IMPA1: variants seen among roughly 807,000 people sequenced by gnomAD.
IMPA1 encodes D-galactose 1-phosphate phosphatase.
A neutral mutation model predicts 34.9 loss-of-function variants in IMPA1; 21 were observed. The observed-to-expected ratio is 0.60, with a 90% CI of 0.43 to 0.87. The LOEUF is 0.87. IMPA1 is among the 40% of genes least tolerant of loss of function. IMPA1 has a pLI of 0.00. For missense variants in IMPA1, 299 were observed against 336.4 expected (o/e 0.89, Z 0.87); for synonymous variants, 95 against 104.4 (o/e 0.91, Z 0.55).
chr8:81,669,884 A>G (rs1806939238), intron 7 of IMPA1, among the ~76,000 whole-genome samples: 1 of 152,242 alleles, frequency 6.6e-6, no homozygotes, highest in African/African-American at 2.4e-5. Flanking sequence ...TAATCCACTC[A>G]TGGGTTAATA....
chr8:81,673,583 T>C (rs1254108453), intron 6 of IMPA1, among the ~76,000 whole-genome samples: 1 of 152,188 alleles, frequency 6.6e-6, no homozygotes, highest in Non-Finnish European at 1.5e-5. Context: ...ATATTTTGGG[T>C]TCACAATAGG....
At chr8:81,659,548 G>A in intron 8 of IMPA1, 82 bp from the exon 9 acceptor site, 1 of 740,646 alleles carries the variant, frequency 1.4e-6, no homozygotes, top group East Asian at 2.6e-5. Context: ...TATGTACTAT[G>A]GTCACATAAC....
At chr8:81,678,587 C>G (rs2932222) in intron 4 of IMPA1, 110,970 of 166,934 alleles carry the variant, frequency 0.66, 39,084 homozygotes, top group East Asian at 0.94. Flanking sequence ...ACCTACTTGG[C>G]AGGCTGAGGC....
Position 81,672,647 on chromosome 8 carries a change from G to T in IMPA1, c.457+1194C>A, listed in dbSNP as rs928122658. Among the ~76,000 whole-genome samples the T allele has an allele frequency of 3.9e-5, 6 of 152,322 alleles. No individual in the cohort carries two copies. In the South Asian group the frequency reaches 1.2e-3, roughly 32 times the overall value. ...GAGCACTCTCCAAGGTAATCTAGAAGTGTGTCCTGGGCTGCAGTCCTCAAC... is the reference window on the plus strand; with the variant it reads ...GAGCACTCTCCAAGGTAATCTAGAATTGTGTCCTGGGCTGCAGTCCTCAAC... On this transcript the variant is annotated intron_variant, in intron 6 of 8. Transcript: ENST00000256108.
chr8:81,686,276 G>A lies in IMPA1; in HGVS notation c.-49C>T. ...CCTTGAGTCGGAGGACGTCCGGCTA[G>A]CTCTGTGAACGGTGTTACCGCACTC... On this transcript the variant is annotated 5_prime_UTR_variant, in exon 1 of 9. Coordinates refer to ENST00000256108, the MANE Select transcript of IMPA1 (RefSeq NM_005536.4). 3 of 998,468 alleles carry A rather than the reference G, an allele frequency of 3.0e-6. No individual in the cohort carries two copies. The highest frequency in any genetic ancestry group is 2.4e-6 in the Non-Finnish European group (2 of 837,666). 61.9% of individuals were successfully genotyped at this position (998,468 alleles called of 1,614,324 possible).
intron 5 of IMPA1, chr8:81,674,187 T>G (rs1179352246): frequency 1.0e-5 from 4 of 391,990 alleles, no homozygotes; most frequent in East Asian, 8.3e-5. Flanking sequence ...CTTACTTCTC[T>G]TCCTCCTGCT....
intron 5 of IMPA1, 108 bp downstream of exon 5, chr8:81,676,126 T>C: frequency 2.2e-6 from 1 of 451,316 alleles, no homozygotes; most frequent in Non-Finnish European, 4.0e-6. Flanking sequence ...AATGCAGTTA[T>C]ATAATCAAAT....
intron 6 of IMPA1, among the ~76,000 whole-genome samples, chr8:81,672,117 T>C (rs1563585377): frequency 6.6e-6 from 1 of 152,158 alleles, no homozygotes; most frequent in African/African-American, 2.4e-5. Flanking sequence ...TGCTCTTAAA[T>C]TAAGTGTTTG....
At chr8:81,667,624 G>C (rs1343206285) in intron 7 of IMPA1, among the ~76,000 whole-genome samples, 1 of 152,110 alleles carries the variant, frequency 6.6e-6, no homozygotes, top group Admixed American at 6.5e-5. Flanking sequence ...TGAGGGCTTA[G>C]AAGACAAGGC....
intron 7 of IMPA1, among the ~76,000 whole-genome samples, chr8:81,669,087 G>A (rs2130272890): frequency 6.6e-6 from 1 of 152,316 alleles, no homozygotes; most frequent in African/African-American, 2.4e-5. Flanking sequence ...ATTGTCCTCA[G>A]AAGCCTGGGA....
intron 1 of IMPA1, among the ~76,000 whole-genome samples, chr8:81,681,989 G>C (rs1286309764): frequency 6.6e-6 from 1 of 152,064 alleles, no homozygotes; most frequent in East Asian, 1.9e-4. Flanking sequence ...AGCAGCAAAA[G>C]GTACTTGAAA....
At chr8:81,662,174 T>C (rs1806699338) in intron 7 of IMPA1, among the ~76,000 whole-genome samples, 1 of 152,196 alleles carries the variant, frequency 6.6e-6, no homozygotes, top group African/African-American at 2.4e-5. Context: ...GATGTTTGTT[T>C]CCCAGATAAA....
chr8:81,686,211 G>A, intron 1 of IMPA1, 41 bp downstream of exon 1: 1 of 1,024,962 alleles, frequency 9.8e-7, no homozygotes, highest in Non-Finnish European at 1.2e-6. Flanking sequence ...CACAGCGCCC[G>A]CTGAACCCGG....
intron 4 of IMPA1, among the ~76,000 whole-genome samples, chr8:81,676,565 A>C (rs2130302130): frequency 6.6e-6 from 1 of 152,370 alleles, no homozygotes; most frequent in African/African-American, 2.4e-5. Flanking sequence ...ATTCACGAGA[A>C]ACTTGTAACA....
chr8:81,672,330 C>T (rs1296655326), intron 6 of IMPA1, among the ~76,000 whole-genome samples: 1 of 152,162 alleles, frequency 6.6e-6, no homozygotes, highest in African/African-American at 2.4e-5. Flanking sequence ...ATGCCAGTAC[C>T]TTTAAATTAT....
In IMPA1 at chr8:81,671,955, T is replaced by C. The variant is rs770253660; in HGVS notation, c.458-908A>G. 4.6e-5 allele frequency among the ~76,000 whole-genome samples: 7 copies of C among 152,302 alleles called. No homozygotes were observed. The South Asian group carries it at 6.2e-4, about 14-fold the overall frequency. ...TACTTTGTAAAGTGAAGAATGACTA[T>C]GCAAAGGAAAAGAGTTGTTTCTATC... On this transcript the variant is annotated intron_variant, in intron 6 of 8. Coordinates refer to ENST00000256108, the MANE Select transcript of IMPA1 (RefSeq NM_005536.4).
At position 81,684,138 on chromosome 8, in the gene IMPA1, T is replaced by TACAC. The variant is rs955987022; in HGVS notation, c.-25+2110_-25+2113dup. On this transcript the variant is annotated intron_variant, in intron 1 of 8. Transcript: ENST00000256108. ...ATACACACACACACACATACACACA[T>TACAC]ACACACACACACACACATACACACA... 9.6e-3 allele frequency among the ~76,000 whole-genome samples: 1,095 copies of TACAC among 113,998 alleles called. 22 individuals carry two copies. The highest frequency in any genetic ancestry group is 0.03 in the African/African-American group (1,000 of 32,860). The allele number at this position is 113,998 out of a possible 152,430, so 74.8% of individuals were successfully genotyped here.
rs1806545950 is a variant in IMPA1, at chr8:81,657,334, C to T, written c.*2017G>A. 6.6e-6 allele frequency among the ~76,000 whole-genome samples: 1 copy of T among 152,182 alleles called. No homozygotes were observed. Among genetic ancestry groups the T allele is most frequent in the South Asian group, 2.1e-4 (1 of 4,822 alleles). On this transcript the variant is annotated 3_prime_UTR_variant, in exon 9 of 9. Transcript: ENST00000256108. Reference sequence around the variant, plus strand: ...GGGTGCAATGGCTCACATCTGTAATCCCAGCACTTTAGAAGGCTGAGGCAG... The same window carrying T: ...GGGTGCAATGGCTCACATCTGTAATTCCAGCACTTTAGAAGGCTGAGGCAG...
rs758697311 is a variant in IMPA1 at position 81,680,885 on chromosome 8, T to C, written c.64-102A>G. 4 of 838,286 alleles carry C rather than the reference T, an allele frequency of 4.8e-6. No individual in the cohort carries two copies. The East Asian group carries it at 1.0e-4, about 22-fold the overall frequency. 51.9% of individuals were successfully genotyped at this position (838,286 alleles called of 1,614,324 possible). A position where few individuals can be genotyped will look rare whatever the true frequency, so the allele number is the denominator to read the frequency against. On this transcript the variant is annotated intron_variant, in intron 2 of 8. Coordinates refer to ENST00000256108, the MANE Select transcript of IMPA1 (RefSeq NM_005536.4). ...ACATTCAATCTGTCTTAAATAATAT[T>C]CTTTAAAGACATTCTTAAAAATGTC...
Sources: allele counts gnomAD v4.1 joint callset (sites outside exome capture counted in the v4.1 genomes callset), GRCh38; gene constraint gnomAD v4.1.1; transcripts MANE v1.5; gene names NCBI Gene and HGNC (gene_info 2026-07-23, HGNC 2026-07-21).